Variants in SMIM7 observed in about 807,000 individuals in gnomAD.
SMIM7 encodes UPF0608 protein C19orf42.
Under a neutral mutation model 13.3 loss-of-function variants are expected in SMIM7, and 12 were observed. The ratio of observed to expected loss-of-function variants is 0.90; its 90% CI spans 0.58 to 1.46. The LOEUF (loss-of-function observed/expected upper bound fraction) is 1.46. Ranked by LOEUF, SMIM7 falls within the 40% of genes most tolerant of loss-of-function variation. The pLI is 0.00. For synonymous variants in SMIM7, 36 were observed against 35.8 expected (o/e 1.01, Z -0.02); for missense variants, 114 against 94.8 (o/e 1.20, Z -0.84).
rs746818614 is a variant in SMIM7, at chr19:16,659,463, G to C, written c.69-16C>G. On this transcript the variant is annotated splice_polypyrimidine_tract_variant and intron_variant, in intron 2 of 4. Transcript: ENST00000487416. ...CTTCTTTTTCCTACAAAGAGGAGCA[G>C]ACAGTGTCCACTTTCAATGGGACAT... The C allele has an allele frequency of 1.9e-6, 3 of 1,611,018 alleles. No individual in the cohort carries two copies. The highest frequency in any genetic ancestry group is 2.5e-6 in the Non-Finnish European group (3 of 1,178,884).
intron 4 of SMIM7, among the ~76,000 whole-genome samples, chr19:16,650,222 T>C (rs2086505660): frequency 6.6e-6 from 1 of 152,224 alleles, no homozygotes; most frequent in South Asian, 2.1e-4. Context: ...TGCCACCACC[T>C]ACATTCTGCA....
chr19:16,648,410 G>T (rs1356967003), intron 4 of SMIM7, among the ~76,000 whole-genome samples: 1 of 152,056 alleles, frequency 6.6e-6, no homozygotes, highest in African/African-American at 2.4e-5. Context: ...CAAAGTGCTG[G>T]GTTTACAGGC....
At chr19:16,651,648 TGA>T (rs2086526836) in intron 4 of SMIM7, among the ~76,000 whole-genome samples, 1 of 152,142 alleles carries the variant, frequency 6.6e-6, no homozygotes. Flanking sequence ...AAGACGAGAA[TGA>T]GAGAAGCACA....
intron 4 of SMIM7, chr19:16,639,990 C>T (rs1216070008): frequency 6.6e-6 from 1 of 150,412 alleles, no homozygotes; most frequent in East Asian, 1.9e-4. Flanking sequence ...GCTCTTGTTG[C>T]CCAGGCTGGA....
At chr19:16,652,773 A>G in intron 4 of SMIM7, 3 of 1,506,396 alleles carry the variant, frequency 2.0e-6, no homozygotes, top group South Asian at 2.6e-5. Flanking sequence ...CAGGACAGAC[A>G]ACTTTTTGTC....
chr19:16,659,460 G>T lies in SMIM7; in HGVS notation c.69-13C>A, dbSNP rs1488063881. 1 of 1,611,516 alleles carries T rather than the reference G, an allele frequency of 6.2e-7. No individual in the cohort carries two copies. Among genetic ancestry groups the T allele is most frequent in the Admixed American group, 1.7e-5 (1 of 59,566 alleles). On this transcript the variant is annotated splice_polypyrimidine_tract_variant and intron_variant, in intron 2 of 4. Transcript: ENST00000487416. ...GTCCTTCTTTTTCCTACAAAGAGGA[G>T]CAGACAGTGTCCACTTTCAATGGGA...
chr19:16,654,977 G>A (rs191981303), intron 3 of SMIM7, among the ~76,000 whole-genome samples: 1 of 152,162 alleles, frequency 6.6e-6, no homozygotes, highest in Admixed American at 6.5e-5. Context: ...CAGTCTCACA[G>A]TAAAACCAAC....
downstream of SMIM7, among the ~76,000 whole-genome samples, chr19:16,642,601 G>A (rs1032718797): frequency 1.3e-5 from 2 of 151,998 alleles, no homozygotes; most frequent in Non-Finnish European, 1.5e-5. Flanking sequence ...AGAAATACTG[G>A]AGGCCAAGGT....
In SMIM7 at chr19:16,646,912, A is replaced by G; in HGVS notation, c.*334T>C. ...AAAATACGGCTGTGTTAAACTAACA[A>G]GCCAATCCTTCTGCTCAGATCTCTG... is the stretch of plus-strand genomic sequence containing the variant. On this transcript the variant is annotated 3_prime_UTR_variant, in exon 5 of 5. Transcript: ENST00000487416. 1 of 383,500 alleles carries G rather than the reference A, an allele frequency of 2.6e-6. No individual in the cohort carries two copies. The highest frequency in any genetic ancestry group is 3.2e-5 in the South Asian group (1 of 30,774). 23.8% of individuals were successfully genotyped at this position (383,500 alleles called of 1,614,324 possible).
chr19:16,653,162 G>A (rs999998169), intron 4 of SMIM7, among the ~76,000 whole-genome samples: 1 of 152,228 alleles, frequency 6.6e-6, no homozygotes, highest in Non-Finnish European at 1.5e-5. Flanking sequence ...CCCCTGCAGA[G>A]GTGCCGGGCA....
downstream of SMIM7, among the ~76,000 whole-genome samples, chr19:16,643,127 G>GA (rs889229689): frequency 2.7e-5 from 4 of 150,740 alleles, no homozygotes; most frequent in Non-Finnish European, 5.9e-5. Context: ...TCTAAAAAAA[G>GA]AAAAAAAAAG....
intron 4 of SMIM7, among the ~76,000 whole-genome samples, chr19:16,639,120 ATTTTTTT>A (rs1286703534): frequency 2.2e-5 from 3 of 133,506 alleles, no homozygotes; most frequent in South Asian, 2.4e-4. Context: ...GTAAGATGTC[ATTTTTTT>A]TTTTTTTTTT....
chr19:16,659,101 GGA>G, intron 3 of SMIM7: 1 of 444,328 alleles, frequency 2.3e-6, no homozygotes, highest in African/African-American at 2.0e-5. Context: ...TGGGCAACGT[GGA>G]GAAACCCCAT....
intron 4 of SMIM7, chr19:16,653,780 A>C (rs2086560380): frequency 2.1e-6 from 1 of 471,876 alleles, no homozygotes; most frequent in African/African-American, 2.0e-5. Flanking sequence ...CTGTAGTCCC[A>C]GTTACTCGGG....
chr19:16,650,539 A>G (rs1360117331), intron 4 of SMIM7, among the ~76,000 whole-genome samples: 3 of 152,116 alleles, frequency 2.0e-5, no homozygotes, highest in Non-Finnish European at 4.4e-5. Context: ...ATGAAATCTC[A>G]TCTCTACCAA....
chr19:16,647,156 C>T lies in SMIM7; in HGVS notation c.*90G>A. ...ACTTTCTGGGAAGGTTGTCGGTTTT[C>T]TGGTCAAAAACATTCTTGAAGTCAT... is the stretch of plus-strand genomic sequence containing the variant. On this transcript the variant is annotated 3_prime_UTR_variant, in exon 5 of 5. Transcript: ENST00000487416. The T allele has an allele frequency of 6.4e-7, 1 of 1,569,172 alleles. No individual in the cohort carries two copies. Among genetic ancestry groups the T allele is most frequent in the Non-Finnish European group, 8.8e-7 (1 of 1,141,924 alleles).
intron 4 of SMIM7, among the ~76,000 whole-genome samples, chr19:16,637,975 A>T (rs2122493540): frequency 6.6e-6 from 1 of 152,096 alleles, no homozygotes; most frequent in South Asian, 2.1e-4. Flanking sequence ...GACAAAAGGG[A>T]GGCTGGTTGT....
rs2086455072 is a variant in SMIM7, at chr19:16,646,860, G to C, written c.*386C>G. The C allele has an allele frequency of 3.7e-6, 1 of 267,012 alleles. No individual in the cohort carries two copies. The highest frequency in any genetic ancestry group is 7.3e-6 in the Non-Finnish European group (1 of 136,362). The allele number at this position is 267,012 out of a possible 1,614,324, so 16.5% of individuals were successfully genotyped here. A position where few individuals can be genotyped will look rare whatever the true frequency, so the allele number is the denominator to read the frequency against. ...CCCTGGCCGGGCCCAGAGGCTGTCA[G>C]ACTCAGCAAGTAACACTGAATGTCC... On this transcript the variant is annotated 3_prime_UTR_variant, in exon 5 of 5. Transcript: ENST00000487416.
At chr19:16,653,929 G>A in intron 4 of SMIM7, 106 bp downstream of exon 4, 1 of 857,658 alleles carries the variant, frequency 1.2e-6, no homozygotes, top group Non-Finnish European at 1.8e-6. Context: ...CAGAAACCAG[G>A]ATACAAGAGT....
Sources: gnomAD v4.1 joint callset for allele counts (sites outside exome capture counted in the v4.1 genomes callset) on GRCh38, gnomAD v4.1.1 for gene constraint, MANE v1.5 for transcripts, NCBI Gene and HGNC (gene_info 2026-07-23, HGNC 2026-07-21) for gene names.